The following RANBP2 variants were observed in gnomAD, a reference collection of about 807,000 sequenced individuals.
RANBP2 encodes the protein E3 SUMO-protein ligase RanBP2.
In RANBP2, 57 loss-of-function variants were observed where a neutral mutation model predicts 303.6. The observed-to-expected ratio is 0.19, with a 90% CI of 0.15 to 0.23. The LOEUF (loss-of-function observed/expected upper bound fraction) is 0.23. Among genes scored for constraint, RANBP2 ranks in the 10% least tolerant of loss-of-function variants. RANBP2 has a pLI of 1.00. For synonymous variants in RANBP2, 1,167 were observed against 1,301.5 expected, an observed-to-expected ratio of 0.90 and a Z score of 2.23; for missense variants, 3,138 against 3,780.8, an observed-to-expected ratio of 0.83 and a Z score of 4.46.
chr2:109,211,214 A>AAAAGG, the RANBP2 span, among the ~76,000 whole-genome samples: 1 of 152,206 alleles, frequency 6.6e-6, no homozygotes, highest in Non-Finnish European at 1.5e-5. Flanking sequence ...TGGCTGGGAT[A>AAAAGG]AAAGGCAAGG....
chr2:109,077,435 A>G, the RANBP2 span, among the ~76,000 whole-genome samples: 4 of 150,596 alleles, frequency 2.7e-5, no homozygotes, highest in African/African-American at 9.7e-5. Flanking sequence ...CAAATGCACA[A>G]GCAACAAATG....
At chr2:108,788,365 A>C (rs1300988276), downstream of RANBP2, among the ~76,000 whole-genome samples, 1 of 151,506 alleles carries the variant, frequency 6.6e-6, no homozygotes, top group East Asian at 1.9e-4. Context: ...GGTTGCAGTG[A>C]GCCGAGATGG....
the RANBP2 span, among the ~76,000 whole-genome samples, chr2:109,470,250 T>C: frequency 6.6e-6 from 1 of 152,110 alleles, no homozygotes; most frequent in Admixed American, 6.6e-5. Context: ...CATCAATAAG[T>C]GATGGGAGTT....
the RANBP2 span, among the ~76,000 whole-genome samples, chr2:108,850,989 C>T: frequency 1.3e-5 from 2 of 152,170 alleles, no homozygotes; most frequent in African/African-American, 4.8e-5. Flanking sequence ...CCAAGGCTGC[C>T]TCGTGCCACA....
the RANBP2 span, among the ~76,000 whole-genome samples, chr2:109,042,344 T>G: frequency 6.6e-6 from 1 of 152,194 alleles, no homozygotes; most frequent in Non-Finnish European, 1.5e-5. Context: ...TTTCCTGCAG[T>G]TTTATTATTG....
chr2:109,704,678 C>T, the RANBP2 span, among the ~76,000 whole-genome samples: 5 of 151,962 alleles, frequency 3.3e-5, no homozygotes, highest in African/African-American at 9.7e-5. Context: ...GGCGAAACCT[C>T]GTCTCTACTA....
the RANBP2 span, among the ~76,000 whole-genome samples, chr2:108,982,863 A>G: frequency 2.6e-5 from 4 of 152,336 alleles, no homozygotes; most frequent in African/African-American, 9.6e-5. Context: ...GGCGGGGTTC[A>G]CAGTGGCCAC....
At chr2:108,750,146 A>G in intron 9 of RANBP2, among the ~76,000 whole-genome samples, 1 of 152,266 alleles carries the variant, frequency 6.6e-6, no homozygotes. Context: ...ACTTCGTCTC[A>G]AAAACAAAAA....
chr2:108,932,212 A>G, the RANBP2 span, among the ~76,000 whole-genome samples: 2 of 152,154 alleles, frequency 1.3e-5, no homozygotes, highest in Non-Finnish European at 2.9e-5. Flanking sequence ...GGTAGAAATT[A>G]GCGAAAGATT....
At position 108,767,729 on chromosome 2, in the gene RANBP2, G is replaced by A; in HGVS notation, c.7190G>A (p.Gly2397Glu). 1.9e-6 allele frequency: 3 copies of A among 1,611,942 alleles called. No homozygotes were observed. The highest frequency in any genetic ancestry group is 2.5e-6 in the Non-Finnish European group (3 of 1,179,854). ...TPDMTLQNMK[G>E]TERVWLWTAC... ...GACATGACTTTGCAAAATATGAAAG[G>A]GACAGAAAGAGTATGGTTGTGGACT... Residue 2397 changes from glycine (G) to glutamate (E), a missense_variant, in exon 20 of 29, where the codon GGG becomes GAG. Physicochemically the swap from Gly to Glu is moderately conservative, Grantham distance 98. Around this residue, in one of 20 missense-constraint regions of RANBP2, gnomAD observed 92 missense variants for 211.0 expected, o/e 0.44. Transcript: ENST00000283195.
the RANBP2 span, chr2:108,794,657 G>A: frequency 6.2e-7 from 1 of 1,614,040 alleles, no homozygotes; most frequent in Non-Finnish European, 8.5e-7. Flanking sequence ...GACAAGCGGA[G>A]TTTACTTCCA....
the RANBP2 span, among the ~76,000 whole-genome samples, chr2:108,962,050 G>A: frequency 6.6e-6 from 1 of 152,224 alleles, no homozygotes; most frequent in South Asian, 2.1e-4. Flanking sequence ...AAATCCTGGA[G>A]AGACTTTTTT....
the RANBP2 span, among the ~76,000 whole-genome samples, chr2:109,447,052 G>A: frequency 1.3e-5 from 2 of 151,230 alleles, no homozygotes; most frequent in Admixed American, 6.6e-5. Flanking sequence ...CTGGATCTGC[G>A]TGATTGCCTG....
the RANBP2 span, among the ~76,000 whole-genome samples, chr2:109,189,081 C>G: frequency 6.6e-6 from 1 of 152,164 alleles, no homozygotes; most frequent in Non-Finnish European, 1.5e-5. Flanking sequence ...CTCACTCCCC[C>G]TGAAGCCACT....
At chr2:109,108,439 C>T in the RANBP2 span, among the ~76,000 whole-genome samples, 1 of 152,174 alleles carries the variant, frequency 6.6e-6, no homozygotes, top group Non-Finnish European at 1.5e-5. Context: ...ATACTACTAT[C>T]ATTCAGGGCT....
At chr2:108,980,725 C>T in the RANBP2 span, among the ~76,000 whole-genome samples, 2 of 152,048 alleles carry the variant, frequency 1.3e-5, no homozygotes, top group African/African-American at 2.4e-5. Flanking sequence ...CTTGGGCCAG[C>T]GCGTTTTGGG....
the RANBP2 span, among the ~76,000 whole-genome samples, chr2:109,113,543 A>G: frequency 6.6e-6 from 1 of 152,190 alleles, no homozygotes; most frequent in Non-Finnish European, 1.5e-5. Context: ...GGCTGAGACA[A>G]TGGGGTTTTC....
the RANBP2 span, among the ~76,000 whole-genome samples, chr2:108,870,351 C>T: frequency 6.6e-6 from 1 of 152,112 alleles, no homozygotes; most frequent in Admixed American, 6.6e-5. Flanking sequence ...TGAACAGAGT[C>T]TGAAGGACTT....
chr2:109,199,597 T>TTAACC, the RANBP2 span, among the ~76,000 whole-genome samples: 24 of 268 alleles, frequency 0.09, no homozygotes, highest in South Asian at 0.25. Context: ...TGGAATGGAA[T>TTAACC]GGAATGGAAT....
Sources: allele counts gnomAD v4.1 joint callset (sites outside exome capture counted in the v4.1 genomes callset), GRCh38; gene constraint gnomAD v4.1.1; regional missense constraint gnomAD v4.1.1; transcripts MANE v1.5; gene names NCBI Gene and HGNC (gene_info 2026-07-23, HGNC 2026-07-21).